Variants in LPP observed in about 807,000 individuals in gnomAD.
LPP encodes the protein lipoma-preferred partner.
LPP carries 38 observed loss-of-function variants against 60.4 expected under a neutral mutation model. That is an observed-to-expected ratio of 0.63 (90% CI 0.49 to 0.83). The LOEUF (loss-of-function observed/expected upper bound fraction) is 0.83, where lower values mean the gene tolerates loss of function less well. Ranked by LOEUF, LPP falls within the 40% of genes least tolerant of loss-of-function variation. The pLI, the probability that LPP is intolerant of heterozygous loss-of-function variation, is 0.00. For missense variants in LPP, 902 were observed against 783.6 expected, an observed-to-expected ratio of 1.15 and a Z score of -1.80; for synonymous variants, 328 against 290.8, an observed-to-expected ratio of 1.13 and a Z score of -1.30.
At chr3:188,441,262 CAAAG>C (rs561849125) in intron 4 of LPP, among the ~76,000 whole-genome samples, 243 of 152,232 alleles carry the variant, frequency 1.6e-3, no homozygotes, top group Middle Eastern at 0.014. Flanking sequence ...TCCAGATTCT[CAAAG>C]TCCTACAACA....
chr3:188,403,536 A>C (rs780667661), intron 3 of LPP, among the ~76,000 whole-genome samples: 4 of 152,186 alleles, frequency 2.6e-5, no homozygotes, highest in African/African-American at 4.8e-5. Flanking sequence ...TTTATTTCAC[A>C]CTTATATTCA....
chr3:188,771,674 A>G (rs1736086061), intron 9 of LPP, among the ~76,000 whole-genome samples: 1 of 152,192 alleles, frequency 6.6e-6, no homozygotes, highest in African/African-American at 2.4e-5. Flanking sequence ...CGGAGAGGAC[A>G]GGACTGAACA....
At chr3:188,603,348 T>C (rs1397519990) in intron 6 of LPP, among the ~76,000 whole-genome samples, 2 of 39,352 alleles carry the variant, frequency 5.1e-5, no homozygotes, top group African/African-American at 1.1e-4. Context: ...AAGAATTTTG[T>C]GGTTTTTTTT....
intron 4 of LPP, among the ~76,000 whole-genome samples, chr3:188,432,718 T>C (rs768596273): frequency 1.3e-5 from 2 of 152,160 alleles, no homozygotes; most frequent in Admixed American, 6.6e-5. Context: ...AGGATCTTTA[T>C]TACTTTTTGA....
intron 4 of LPP, among the ~76,000 whole-genome samples, chr3:188,437,294 C>G (rs956596089): frequency 2.6e-5 from 4 of 152,124 alleles, no homozygotes; most frequent in Non-Finnish European, 4.4e-5. Context: ...GAATGATATG[C>G]TAAGTAATGC....
chr3:188,163,787 C>CA (rs10663486), intron 1 of LPP, among the ~76,000 whole-genome samples: 47,013 of 137,384 alleles, frequency 0.34, 9,565 homozygotes, highest in African/African-American at 0.56. Context: ...ACTAAATATA[C>CA]AAAAAAAAAA....
At position 188,817,325 on chromosome 3, in the gene LPP, C is replaced by T. The variant is rs867057731; in HGVS notation, c.1411-48875C>T. ...CCTTATCAAAGTTTGATGTAGACTC[C>T]AGTGTGTAGTAGTGGGCAGTGACCT... On this transcript the variant is annotated intron_variant, in intron 9 of 11. Coordinates refer to ENST00000617246, the MANE Select transcript of LPP (RefSeq NM_001375462.1). 3.9e-5 allele frequency among the ~76,000 whole-genome samples: 6 copies of T among 152,266 alleles called. No individual in the cohort carries two copies. In the South Asian group the frequency reaches 1.2e-3, roughly 32 times the overall value.
chr3:188,662,477 T>A (rs1298894854), intron 7 of LPP, among the ~76,000 whole-genome samples: 2 of 152,234 alleles, frequency 1.3e-5, no homozygotes, highest in East Asian at 3.8e-4. Flanking sequence ...TAGAATTTGT[T>A]TCATTTCTGT....
intron 9 of LPP, among the ~76,000 whole-genome samples, chr3:188,812,313 G>A (rs1751227485): frequency 6.6e-6 from 1 of 152,022 alleles, no homozygotes; most frequent in African/African-American, 2.4e-5. Flanking sequence ...AGTGCCAGTG[G>A]GCAAACTGAA....
At chr3:188,563,718 G>A (rs5855205) in intron 6 of LPP, among the ~76,000 whole-genome samples, 2 of 93,904 alleles carry the variant, frequency 2.1e-5, no homozygotes, top group Admixed American at 2.3e-4. Flanking sequence ...AATTGCTTGT[G>A]TTTTTTTTTG....
chr3:188,449,277 T>G (rs1796041523), intron 4 of LPP, among the ~76,000 whole-genome samples: 1 of 152,220 alleles, frequency 6.6e-6, no homozygotes, highest in Admixed American at 6.5e-5. Context: ...TCTCTCTTGT[T>G]TTTGATTGAC....
At chr3:188,398,191 C>T (rs1781415627) in intron 3 of LPP, among the ~76,000 whole-genome samples, 1 of 152,172 alleles carries the variant, frequency 6.6e-6, no homozygotes. Flanking sequence ...TGTAAGAAAC[C>T]TTAGCTCCTT....
At chr3:188,397,252 T>G (rs1290398355) in intron 3 of LPP, among the ~76,000 whole-genome samples, 1 of 152,360 alleles carries the variant, frequency 6.6e-6, no homozygotes, top group East Asian at 1.9e-4. Context: ...TTCTAGCTGC[T>G]CTATTACATT....
intron 2 of LPP, among the ~76,000 whole-genome samples, chr3:188,293,951 A>G (rs1746923044): frequency 6.6e-6 from 1 of 150,686 alleles, no homozygotes; most frequent in South Asian, 2.1e-4. Context: ...CTGTAATCCC[A>G]GCTACTCAGG....
rs1280628245 is a variant in LPP, at chr3:188,407,768, G to GTTTTTTGT, written c.193+1461_193+1462insGTTTTTTT. Among the ~76,000 whole-genome samples the GTTTTTTGT allele has an allele frequency of 1.8e-3, 111 of 61,204 alleles. 1 individual carries two copies. Among genetic ancestry groups the GTTTTTTGT allele is most frequent in the East Asian group, 8.2e-3 (10 of 1,222 alleles). The allele number at this position is 61,204 out of a possible 152,430, so 40.2% of individuals were successfully genotyped here. On this transcript the variant is annotated intron_variant, in intron 4 of 11. Transcript: ENST00000617246. ...CCATATGTTGGCTTCCTCATTTATG[G>GTTTTTTGT]TTTTTTTTTTTGTTTGTTTGTTTTT...
chr3:188,699,932 C>A (rs1168477003), intron 7 of LPP, among the ~76,000 whole-genome samples: 1 of 152,020 alleles, frequency 6.6e-6, no homozygotes, highest in South Asian at 2.1e-4. Context: ...CTTGACACAG[C>A]TAAATAGAAG....
intron 9 of LPP, among the ~76,000 whole-genome samples, chr3:188,794,561 C>T (rs1035214104): frequency 1.3e-5 from 2 of 152,198 alleles, no homozygotes; most frequent in Admixed American, 6.5e-5. Context: ...AAACCCATTT[C>T]CTTGTGTTAG....
At chr3:188,611,116 T>C (rs1467483796) in intron 7 of LPP, among the ~76,000 whole-genome samples, 2 of 152,218 alleles carry the variant, frequency 1.3e-5, no homozygotes, top group Non-Finnish European at 2.9e-5. Context: ...GTGTCCTATG[T>C]GAATTTCACA....
chr3:188,853,273 T>C (rs1426623696), intron 9 of LPP, among the ~76,000 whole-genome samples: 2 of 152,200 alleles, frequency 1.3e-5, no homozygotes, highest in African/African-American at 4.8e-5. Flanking sequence ...TAGTATCACA[T>C]TGTGAGATGG....
Sources: allele counts gnomAD v4.1 joint callset (sites outside exome capture counted in the v4.1 genomes callset), GRCh38; gene constraint gnomAD v4.1.1; transcripts MANE v1.5; gene names NCBI Gene and HGNC (gene_info 2026-07-23, HGNC 2026-07-21).